TPD52: variants seen among roughly 807,000 people sequenced by gnomAD.
TPD52 encodes tumor protein D52.
Under a neutral mutation model 31.3 loss-of-function variants are expected in TPD52, and 17 were observed. The ratio of observed to expected loss-of-function variants is 0.54; its 90% CI spans 0.37 to 0.82. The LOEUF is 0.82. TPD52 is among the 40% of genes least tolerant of loss of function. TPD52 has a pLI of 0.00. For missense variants in TPD52, 212 were observed against 240.1 expected, an observed-to-expected ratio of 0.88 and a Z score of 0.77; for synonymous variants, 83 against 89.6, an observed-to-expected ratio of 0.93 and a Z score of 0.42.
intron 1 of TPD52, among the ~76,000 whole-genome samples, chr8:80,070,417 G>A (rs1040185744): frequency 2.6e-5 from 4 of 152,134 alleles, no homozygotes; most frequent in African/African-American, 9.7e-5. Flanking sequence ...CTGGTTTCAT[G>A]GAAGACAATT....
chr8:80,064,619 T>C, intron 1 of TPD52, 26 bp from the exon 2 acceptor site: 1 of 1,570,486 alleles, frequency 6.4e-7, no homozygotes, highest in Non-Finnish European at 8.8e-7. Flanking sequence ...AACCATTTTT[T>C]AAAGTGCAAA....
intron 1 of TPD52, among the ~76,000 whole-genome samples, chr8:80,101,133 T>G (rs1359508143): frequency 6.6e-6 from 1 of 152,112 alleles, no homozygotes; most frequent in Admixed American, 6.5e-5. Context: ...AGAGAAATAA[T>G]GTAGATAACA....
chr8:80,083,920 G>A (rs74481785), intron 1 of TPD52, among the ~76,000 whole-genome samples: 2,084 of 152,266 alleles, frequency 0.014, 23 homozygotes, highest in Non-Finnish European at 0.021. Context: ...CTTACCTCTA[G>A]ATTAGGCATC....
chr8:80,102,630 C>T (rs929773084), intron 1 of TPD52, among the ~76,000 whole-genome samples: 1 of 152,166 alleles, frequency 6.6e-6, no homozygotes, highest in Non-Finnish European at 1.5e-5. Flanking sequence ...TATATTTGGT[C>T]TGTCCCCGTT....
chr8:80,083,168 C>T (rs1815457352), intron 1 of TPD52, among the ~76,000 whole-genome samples: 1 of 145,170 alleles, frequency 6.9e-6, no homozygotes, highest in Non-Finnish European at 1.5e-5. Context: ...AAGACTTTAA[C>T]AAATTTTATA....
intron 1 of TPD52, among the ~76,000 whole-genome samples, chr8:80,090,132 C>G (rs1289874671): frequency 2.3e-4 from 35 of 152,084 alleles, no homozygotes; most frequent in Admixed American, 2.3e-3. Flanking sequence ...TGGTTCACAC[C>G]TATAATCCCA....
intron 1 of TPD52, among the ~76,000 whole-genome samples, chr8:80,068,085 T>C (rs756742246): frequency 3.3e-5 from 5 of 151,510 alleles, no homozygotes. Flanking sequence ...CAGAATCTGA[T>C]GGAAAGCTGT....
At chr8:80,128,035 A>G (rs1040371264) in intron 1 of TPD52, among the ~76,000 whole-genome samples, 3 of 151,842 alleles carry the variant, frequency 2.0e-5, no homozygotes, top group African/African-American at 4.8e-5. Flanking sequence ...GCTAATGAAA[A>G]TTAGATAGCT....
At chr8:80,144,125 C>T (rs890307) in intron 1 of TPD52, among the ~76,000 whole-genome samples, 96,904 of 152,072 alleles carry the variant, frequency 0.64, 32,175 homozygotes, top group African/African-American at 0.83. Context: ...AGAACTTTCA[C>T]CTTCTTCAAA....
At chr8:80,060,735 A>G (rs892819568) in intron 2 of TPD52, among the ~76,000 whole-genome samples, 7 of 148,830 alleles carry the variant, frequency 4.7e-5, no homozygotes, top group African/African-American at 1.8e-4. Context: ...TCAATAGGTG[A>G]AAAAAAAAGC....
chr8:80,160,225 C>T (rs1195967436), intron 1 of TPD52, among the ~76,000 whole-genome samples: 2 of 152,028 alleles, frequency 1.3e-5, no homozygotes, highest in Non-Finnish European at 2.9e-5. Context: ...TTCTTGGACT[C>T]CAGATTATTC....
chr8:80,109,282 G>T (rs1248797258), intron 1 of TPD52, among the ~76,000 whole-genome samples: 1 of 152,046 alleles, frequency 6.6e-6, no homozygotes, highest in Non-Finnish European at 1.5e-5. Flanking sequence ...CCTATCAAAG[G>T]TTCCAGCAAA....
rs869141433 is a variant in TPD52, at chr8:80,161,732, ATTT to A, written c.19+9690_19+9692del. ...CACATTTATATATATATATATATAT[ATTT>A]TTTTTTTTTTCTGAGACAGAGTCTC... On this transcript the variant is annotated intron_variant, in intron 1 of 7. Transcript: ENST00000518937. 1.1e-4 allele frequency among the ~76,000 whole-genome samples: 8 copies of A among 72,522 alleles called. 1 individual carries two copies. Among genetic ancestry groups the A allele is most frequent in the Admixed American group, 3.2e-4 (2 of 6,274 alleles). 47.6% of individuals were successfully genotyped at this position (72,522 alleles called of 152,430 possible). A position where few individuals can be genotyped will look rare whatever the true frequency, so the allele number is the denominator to read the frequency against.
chr8:80,031,541 G>C (rs1809693327), downstream of TPD52, among the ~76,000 whole-genome samples: 2 of 152,156 alleles, frequency 1.3e-5, no homozygotes, highest in Admixed American at 1.3e-4. Context: ...AAATTGTAAA[G>C]AGCATGGCCA....
chr8:80,110,114 T>C (rs1220415371), intron 1 of TPD52, among the ~76,000 whole-genome samples: 1 of 152,220 alleles, frequency 6.6e-6, no homozygotes, highest in East Asian at 1.9e-4. Context: ...AATCACCCTC[T>C]GGACTCAGAG....
intron 1 of TPD52, among the ~76,000 whole-genome samples, chr8:80,117,774 C>A (rs1358122937): frequency 6.9e-6 from 1 of 145,450 alleles, no homozygotes; most frequent in Non-Finnish European, 1.5e-5. Context: ...GCTCTATTGC[C>A]CAGGCTGGAG....
At chr8:80,104,299 C>T (rs182776727) in intron 1 of TPD52, among the ~76,000 whole-genome samples, 5 of 152,198 alleles carry the variant, frequency 3.3e-5, no homozygotes, top group Non-Finnish European at 7.3e-5. Flanking sequence ...TCAAGTGCTT[C>T]TCATAATAGC....
chr8:80,038,212 A>T lies in TPD52; in HGVS notation c.528T>A (p.Pro176=). ...NLKSKVGGTK[P]AGGDFGEVLN... is the part of the protein sequence containing the mutation. ...AGACTTCTCCAAAATCACCACCAGC[A>T]GGCTTGGTTCCCCCTACTTTAGACT... Residue 176 remains proline (P), a synonymous_variant, in exon 8 of 8, where the codon CCT becomes CCA. Coordinates refer to ENST00000518937, the MANE Select transcript of TPD52 (RefSeq NM_001025253.3). 6.2e-7 allele frequency: 1 copy of T among 1,614,148 alleles called. No individual in the cohort carries two copies.
At chr8:80,110,294 G>T (rs955877172) in intron 1 of TPD52, among the ~76,000 whole-genome samples, 7 of 151,842 alleles carry the variant, frequency 4.6e-5, no homozygotes, top group African/African-American at 1.7e-4. Flanking sequence ...TCTCTCAAGG[G>T]TCTTAAATGT....
Sources: allele counts gnomAD v4.1 joint callset (sites outside exome capture counted in the v4.1 genomes callset), GRCh38; gene constraint gnomAD v4.1.1; transcripts MANE v1.5; gene names NCBI Gene and HGNC (gene_info 2026-07-23, HGNC 2026-07-21).